Variants in FGFR1 observed in about 807,000 individuals in gnomAD.
FGFR1 encodes fibroblast growth factor receptor 1, also known as FGFR1/PLAG1 fusion.
Under a neutral mutation model 93.7 loss-of-function variants are expected in FGFR1, and 18 were observed. The observed-to-expected ratio is 0.19, with a 90% CI of 0.13 to 0.28. FGFR1 has a LOEUF of 0.28. Ranked by LOEUF, FGFR1 falls within the 10% of genes least tolerant of loss-of-function variation. The pLI is 1.00. For missense variants in FGFR1, 731 were observed against 1,080.4 expected (o/e 0.68, Z 4.53); for synonymous variants, 448 against 429.3 (o/e 1.04, Z -0.54).
At position 38,424,809 on chromosome 8, in the gene FGFR1, C is replaced by T. The variant is rs1820147497; in HGVS notation, c.746-110G>A. Reference sequence around the variant, plus strand: ...TTTCCCAGTGATGGGTTGTAAACCTCCCAGCACTTCTGCTGAGCCCAAGCC... The same window carrying T: ...TTTCCCAGTGATGGGTTGTAAACCTTCCAGCACTTCTGCTGAGCCCAAGCC... On this transcript the variant is annotated intron_variant, in intron 6 of 17. Coordinates refer to ENST00000447712, the MANE Select transcript of FGFR1 (RefSeq NM_023110.3). This position sits in a 1 kb window ranked among gnomAD's most constrained non-coding sequence, Gnocchi z 4.3. 1 of 1,101,466 alleles carries T rather than the reference C, an allele frequency of 9.1e-7. No homozygotes were observed. The highest frequency in any genetic ancestry group is 2.2e-5 in the Admixed American group (1 of 44,732). The allele number at this position is 1,101,466 out of a possible 1,614,324, so 68.2% of individuals were successfully genotyped here.
At chr8:38,452,188 CACAG>C (rs1831271137) in intron 2 of FGFR1, among the ~76,000 whole-genome samples, 1 of 100,844 alleles carries the variant, frequency 9.9e-6, no homozygotes, top group South Asian at 4.0e-4. Context: ...CCGACAGACA[CACAG>C]ACACACAGAC....
rs1260234772 is a variant in FGFR1, at chr8:38,417,924, G to C, written c.1498C>G (p.Leu500Val). 9 of 1,614,170 alleles carry C rather than the reference G, an allele frequency of 5.6e-6. No individual in the cohort carries two copies. The highest frequency in any genetic ancestry group is 7.6e-6 in the Non-Finnish European group (9 of 1,180,040). The stretch of plus-strand genomic sequence containing the variant: ...ACACGGTTGGGTTTGTCCTTGTCCA[G>C]CCCGATAGCCTCTGCCAACACCACC... Reference protein sequence around the residue: ...GQVVLAEAIGLDKDKPNRVTK... With the variant: ...GQVVLAEAIGVDKDKPNRVTK... The change falls in exon 11 of 18, where the codon CTG becomes GTG. Residue 500 changes from leucine to valine, a missense_variant. Leu to Val is a conservative substitution (Grantham distance 32). This residue lies in a region of FGFR1 where 62 missense variants were observed against 99.5 expected (regional missense o/e 0.62). Coordinates refer to ENST00000447712, the MANE Select transcript of FGFR1 (RefSeq NM_023110.3).
Position 38,429,689 on chromosome 8 carries a change from A to G in FGFR1, c.351T>C (p.Asn117=), listed in dbSNP as rs995370987. 60 of 1,567,258 alleles carry G rather than the reference A, an allele frequency of 3.8e-5. No homozygotes were observed. In the East Asian group the frequency reaches 1.3e-3, roughly 34 times the overall value. ...CAGGGCTTGGCTACCAACCTGAAAC[A>G]TTGACGGAGAAGTAGGTGGTGTCAC... ...SGSDTTYFSV[N]VSDALPSSED... is the part of the protein sequence containing the mutation. Residue 117 remains asparagine, a synonymous_variant, in exon 3 of 18, where the codon AAT becomes AAC. Transcript: ENST00000447712. This position sits in a 1 kb window ranked among gnomAD's most constrained non-coding sequence, Gnocchi z 4.4.
chr8:38,438,542 C>CA (rs544625250), intron 2 of FGFR1, among the ~76,000 whole-genome samples: 4,708 of 76,052 alleles, frequency 0.062, 101 homozygotes, highest in African/African-American at 0.097. Context: ...GACTCCGTCT[C>CA]AAAAAAAAAA....
rs2150855036 is a variant in FGFR1, at chr8:38,426,081, T to A, written c.745+41A>T. On this transcript the variant is annotated intron_variant, in intron 6 of 17. Coordinates refer to ENST00000447712, the MANE Select transcript of FGFR1 (RefSeq NM_023110.3). This position sits in a 1 kb window ranked among gnomAD's most constrained non-coding sequence, Gnocchi z 4.1. ...GGCTGTGTTCTCCAAGCCTGGCTCTTCCCACTAAACTCATTCCTCCTGCTG... is the reference window on the plus strand; with the variant it reads ...GGCTGTGTTCTCCAAGCCTGGCTCTACCCACTAAACTCATTCCTCCTGCTG... The A allele has an allele frequency of 6.2e-7, 1 of 1,613,638 alleles. No individual in the cohort carries two copies. The highest frequency in any genetic ancestry group is 1.3e-5 in the African/African-American group (1 of 75,014).
intron 2 of FGFR1, among the ~76,000 whole-genome samples, chr8:38,449,616 T>C (rs996912086): frequency 1.3e-5 from 2 of 152,172 alleles, no homozygotes; most frequent in African/African-American, 4.8e-5. Flanking sequence ...AGGCTCCCTG[T>C]GTCTCCATGT....
chr8:38,414,702 G>A (rs1815716054), intron 14 of FGFR1, 73 bp from the exon 15 acceptor site: 7 of 1,613,436 alleles, frequency 4.3e-6, no homozygotes, highest in Non-Finnish European at 5.9e-6. Context: ...AGGGACTGGG[G>A]GGTGGGTTCT....
chr8:38,430,019 G>C, intron 2 of FGFR1, 71 bp from the exon 3 acceptor site: 1 of 1,465,192 alleles, frequency 6.8e-7, no homozygotes, highest in Non-Finnish European at 9.2e-7. Flanking sequence ...GGGAGGAGGG[G>C]AGAGACAAAG....
At chr8:38,466,784 C>T (rs2151490558) in intron 1 of FGFR1, 1 of 201,332 alleles carries the variant, frequency 5.0e-6, no homozygotes, top group Admixed American at 6.3e-5. Flanking sequence ...GCGGCTGCTA[C>T]ATCTGGAAAT....
At chr8:38,420,064 G>C (rs1394408512) in intron 8 of FGFR1, 1 of 367,194 alleles carries the variant, frequency 2.7e-6, no homozygotes, top group Non-Finnish European at 5.1e-6. Context: ...GCAAGGGCCA[G>C]CTGAGAAGTC....
rs1820877007 is a variant in FGFR1 at position 38,426,683 on chromosome 8, A to G, written c.622-438T>C. 1.3e-5 allele frequency among the ~76,000 whole-genome samples: 2 copies of G among 152,222 alleles called. No homozygotes were observed. The highest frequency in any genetic ancestry group is 4.8e-5 in the African/African-American group (2 of 41,450). On this transcript the variant is annotated intron_variant, in intron 5 of 17. Coordinates refer to ENST00000447712, the MANE Select transcript of FGFR1 (RefSeq NM_023110.3). This position sits in a 1 kb window ranked among gnomAD's most constrained non-coding sequence, Gnocchi z 4.1. ...CTCTCTGCCTACCAAAGCACTGATCACAGTCTACTTTTTACGGTAGCTGCT... is the reference window on the plus strand; with the variant it reads ...CTCTCTGCCTACCAAAGCACTGATCGCAGTCTACTTTTTACGGTAGCTGCT...
At chr8:38,441,672 G>C (rs1029644838) in intron 2 of FGFR1, among the ~76,000 whole-genome samples, 2 of 152,198 alleles carry the variant, frequency 1.3e-5, no homozygotes, top group African/African-American at 4.8e-5. Context: ...CGGCTATGGA[G>C]GAGGGCCGTC....
intron 2 of FGFR1, among the ~76,000 whole-genome samples, chr8:38,446,196 C>A (rs1829207291): frequency 6.6e-6 from 1 of 150,910 alleles, no homozygotes; most frequent in South Asian, 2.1e-4. Flanking sequence ...TGACTCAGCC[C>A]TCTCCCACCT....
chr8:38,429,849 A>G lies in FGFR1; in HGVS notation c.191T>C (p.Ile64Thr), dbSNP rs1822294240. 6.2e-7 allele frequency: 1 copy of G among 1,613,852 alleles called. No homozygotes were observed. Residue 64 changes from isoleucine to threonine, a missense_variant, in exon 3 of 18, where the codon ATC becomes ACC. Transcript: ENST00000447712. The surrounding 1 kb of genome is among the most constrained non-coding windows in gnomAD (Gnocchi z 4.4). ...RCRLRDDVQS[I>T]NWLRDGVQLA... is the part of the protein sequence containing the mutation. ...CTGCACCCCGTCCCGCAGCCAGTTG[A>G]TGCTCTGCACATCGTCCCGCAGCCG...
At chr8:38,457,027 T>C (rs1048994404) in intron 2 of FGFR1, among the ~76,000 whole-genome samples, 1 of 152,218 alleles carries the variant, frequency 6.6e-6, no homozygotes, top group East Asian at 1.9e-4. Context: ...ACATCACCTA[T>C]GTTAAAGTGT....
In FGFR1 at chr8:38,424,410, C is replaced by T. The variant is rs775329001; in HGVS notation, c.936+99G>A. ...GTGCCTGAAGCGTGAGGAATGATCC[C>T]ATTCGGGGGCAACTGAGCCTGCCCA... On this transcript the variant is annotated intron_variant, in intron 7 of 17. Coordinates refer to ENST00000447712, the MANE Select transcript of FGFR1 (RefSeq NM_023110.3). This position sits in a 1 kb window ranked among gnomAD's most constrained non-coding sequence, Gnocchi z 4.3. 1 of 1,296,938 alleles carries T rather than the reference C, an allele frequency of 7.7e-7. No homozygotes were observed. Among genetic ancestry groups the T allele is most frequent in the South Asian group, 1.2e-5 (1 of 83,266 alleles). 80.3% of individuals were successfully genotyped at this position (1,296,938 alleles called of 1,614,324 possible). A position where few individuals can be genotyped will look rare whatever the true frequency, so the allele number is the denominator to read the frequency against.
At chr8:38,417,177 T>A (rs1816958686) in intron 12 of FGFR1, 129 bp downstream of exon 12, 2 of 772,148 alleles carry the variant, frequency 2.6e-6, no homozygotes, top group African/African-American at 1.7e-5. Flanking sequence ...TAACACATTT[T>A]AAACCTCTGC....
At chr8:38,425,587 G>C (rs1009952936) in intron 6 of FGFR1, among the ~76,000 whole-genome samples, 5 of 152,206 alleles carry the variant, frequency 3.3e-5, no homozygotes, top group Non-Finnish European at 7.3e-5. Flanking sequence ...AGAAGGAAAA[G>C]GTTGCGGTAA....
At position 38,448,189 on chromosome 8, in the gene FGFR1, T is replaced by C. The variant is rs1300203145; in HGVS notation, c.91+9167A>G. Among the ~76,000 whole-genome samples the C allele has an allele frequency of 2.6e-5, 4 of 152,196 alleles. No individual in the cohort carries two copies. In the East Asian group the frequency reaches 5.8e-4, roughly 22 times the overall value. On this transcript the variant is annotated intron_variant, in intron 2 of 17. Coordinates refer to ENST00000447712, the MANE Select transcript of FGFR1 (RefSeq NM_023110.3). ...GTTAACAGTGATTGCTTTTGAATGA[T>C]GGAATTATAGGAGTCTTCCTTTTCC...
Sources: gnomAD v4.1 joint callset for allele counts (sites outside exome capture counted in the v4.1 genomes callset) on GRCh38, gnomAD v4.1.1 for gene constraint, gnomAD v4.1.1 regional missense constraint, Gnocchi (gnomAD v3.1) non-coding constraint, MANE v1.5 for transcripts, NCBI Gene and HGNC (gene_info 2026-07-23, HGNC 2026-07-21) for gene names.